CCDC171: variants seen among roughly 807,000 people sequenced by gnomAD.
CCDC171 encodes the protein coiled-coil domain containing 171.
CCDC171 carries 177 observed loss-of-function variants against 168.2 expected under a neutral mutation model. The observed-to-expected ratio is 1.05, with a 90% CI of 0.93 to 1.19. CCDC171 has a LOEUF of 1.19. CCDC171 is among the 50% of genes most tolerant of loss of function. The pLI is 0.00. For missense variants in CCDC171, 1,991 were observed against 1,539.0 expected, an observed-to-expected ratio of 1.29 and a Z score of -4.91; for synonymous variants, 687 against 540.8, an observed-to-expected ratio of 1.27 and a Z score of -3.75.
chr9:15,591,636 G>T, intron 5 of CCDC171, 80 bp downstream of exon 5: 1 of 828,230 alleles, frequency 1.2e-6, no homozygotes, highest in Non-Finnish European at 1.9e-6. Flanking sequence ...AGTTATCCTG[G>T]ATTTCCTTCC....
chr9:15,896,667 CT>C (rs1019037960), intron 24 of CCDC171, among the ~76,000 whole-genome samples: 15 of 152,166 alleles, frequency 9.9e-5, no homozygotes, highest in Admixed American at 5.9e-4. Flanking sequence ...ATTTGCTATC[CT>C]TATCAATGTC....
chr9:15,578,407 G>GTATTATTAT lies in CCDC171; in HGVS notation c.178-404_178-396dup, dbSNP rs36232245. ...ACACCACCATGCCTGGTTAATTTTTGTATTATTATTATTATTATTATTATT... is the reference window on the plus strand; with the variant it reads ...ACACCACCATGCCTGGTTAATTTTTGTATTATTATTATTATTATTATTATTATTATTATT... On this transcript the variant is annotated intron_variant, in intron 3 of 25. Coordinates refer to ENST00000380701, the MANE Select transcript of CCDC171 (RefSeq NM_173550.4). Among the ~76,000 whole-genome samples the GTATTATTAT allele has an allele frequency of 2.9e-3, 384 of 134,296 alleles. 2 individuals are homozygous for GTATTATTAT. The highest frequency in any genetic ancestry group is 3.7e-3 in the African/African-American group (131 of 35,780). The allele number at this position is 134,296 out of a possible 152,430, so 88.1% of individuals were successfully genotyped here.
intron 4 of CCDC171, among the ~76,000 whole-genome samples, chr9:15,590,765 TTCTTTC>T (rs1202852916): frequency 3.7e-4 from 42 of 114,612 alleles, no homozygotes; most frequent in East Asian, 7.0e-4. Flanking sequence ...TCTTCTTTCT[TTCTTTC>T]TCTTTCTTTC....
At chr9:15,575,157 CTTTTTT>C (rs57272096) in intron 3 of CCDC171, among the ~76,000 whole-genome samples, 2 of 86,910 alleles carry the variant, frequency 2.3e-5, no homozygotes, top group South Asian at 4.9e-4. Flanking sequence ...GACATAACTA[CTTTTTT>C]TTTTTTTTTT....
intron 10 of CCDC171, among the ~76,000 whole-genome samples, chr9:15,688,215 T>C (rs1045900199): frequency 6.6e-6 from 1 of 151,086 alleles, no homozygotes. Flanking sequence ...TCAAAAGAGA[T>C]TGAATTAGTA....
chr9:15,765,966 A>G (rs2056699865), intron 18 of CCDC171, among the ~76,000 whole-genome samples: 1 of 152,182 alleles, frequency 6.6e-6, no homozygotes, highest in East Asian at 1.9e-4. Context: ...CAGCCTCGGA[A>G]AATAAAGACA....
At chr9:15,641,210 A>G (rs1198196179) in intron 7 of CCDC171, among the ~76,000 whole-genome samples, 1 of 152,158 alleles carries the variant, frequency 6.6e-6, no homozygotes, top group Non-Finnish European at 1.5e-5. Flanking sequence ...CGTTTGGGGT[A>G]AACTTTGTGC....
intron 24 of CCDC171, among the ~76,000 whole-genome samples, chr9:15,915,788 C>G (rs1014282264): frequency 6.6e-6 from 1 of 152,150 alleles, no homozygotes; most frequent in Non-Finnish European, 1.5e-5. Flanking sequence ...CCTCTCCCTT[C>G]TCTGCCTAGT....
At chr9:15,736,780 A>G (rs1243143089) in intron 16 of CCDC171, among the ~76,000 whole-genome samples, 3 of 151,904 alleles carry the variant, frequency 2.0e-5, no homozygotes, top group African/African-American at 7.2e-5. Context: ...GGCTCAGGTA[A>G]TCCTTCCACT....
intron 16 of CCDC171, among the ~76,000 whole-genome samples, chr9:15,731,775 TCTAAAA>T (rs2134361985): frequency 6.6e-6 from 1 of 152,218 alleles, no homozygotes; most frequent in Admixed American, 6.5e-5. Flanking sequence ...GTCAAAAGTT[TCTAAAA>T]AATGCTTGTG....
the CCDC171 span, among the ~76,000 whole-genome samples, chr9:16,092,893 G>A: frequency 3.9e-5 from 6 of 152,192 alleles, no homozygotes; most frequent in Admixed American, 1.3e-4. Flanking sequence ...GCAGAGCCTC[G>A]TGCCCGGCTG....
chr9:15,677,899 T>TGTGTGTGTC (rs2049727365), intron 9 of CCDC171, among the ~76,000 whole-genome samples: 3 of 19,476 alleles, frequency 1.5e-4, no homozygotes, highest in African/African-American at 7.0e-4. Context: ...TATATATATA[T>TGTGTGTGTC]ATATATATAT....
chr9:15,580,855 C>T (rs1248919035), intron 4 of CCDC171, among the ~76,000 whole-genome samples: 1 of 152,122 alleles, frequency 6.6e-6, no homozygotes, highest in Non-Finnish European at 1.5e-5. Flanking sequence ...GAAGCATTCC[C>T]TTTGAAAACC....
At chr9:16,017,696 A>C (rs1833061498) in intron 3 of CCDC171, among the ~76,000 whole-genome samples, 1 of 152,230 alleles carries the variant, frequency 6.6e-6, no homozygotes, top group Non-Finnish European at 1.5e-5. Flanking sequence ...TTAGTTTATG[A>C]GACAATTTTA....
At chr9:15,703,941 C>T (rs2052004981) in intron 11 of CCDC171, among the ~76,000 whole-genome samples, 2 of 152,082 alleles carry the variant, frequency 1.3e-5, no homozygotes, top group Admixed American at 6.5e-5. Flanking sequence ...CATAGATCAC[C>T]ATAATATATA....
chr9:15,812,016 G>A (rs906928644), intron 21 of CCDC171, among the ~76,000 whole-genome samples: 1 of 152,158 alleles, frequency 6.6e-6, no homozygotes, highest in Non-Finnish European at 1.5e-5. Context: ...GATCCTACAC[G>A]TCTAGGGGAA....
At chr9:15,774,052 T>C (rs1425059357) in intron 18 of CCDC171, among the ~76,000 whole-genome samples, 1 of 151,556 alleles carries the variant, frequency 6.6e-6, no homozygotes, top group Non-Finnish European at 1.5e-5. Flanking sequence ...TCAAGACCAG[T>C]CTGGTCAACG....
chr9:15,996,040 C>G (rs574519466), intron 3 of CCDC171, among the ~76,000 whole-genome samples: 2 of 152,362 alleles, frequency 1.3e-5, no homozygotes, highest in South Asian at 2.1e-4. Flanking sequence ...CAACACCGTG[C>G]TCTTCTGTAA....
intron 18 of CCDC171, among the ~76,000 whole-genome samples, chr9:15,757,252 T>C (rs1318391445): frequency 6.6e-6 from 1 of 152,192 alleles, no homozygotes; most frequent in Non-Finnish European, 1.5e-5. Flanking sequence ...GTCTGATAGA[T>C]ATATGGACAA....
Sources: gnomAD v4.1 joint callset for allele counts (sites outside exome capture counted in the v4.1 genomes callset) on GRCh38, gnomAD v4.1.1 for gene constraint, MANE v1.5 for transcripts, NCBI Gene and HGNC (gene_info 2026-07-23, HGNC 2026-07-21) for gene names.